Variants in CHRNA7 observed in about 807,000 individuals in gnomAD.
CHRNA7 encodes the protein cholinergic receptor nicotinic alpha 7 subunit.
A neutral mutation model predicts 48.0 loss-of-function variants in CHRNA7; 17 were observed. That is an observed-to-expected ratio of 0.35 (90% CI 0.24 to 0.53). CHRNA7 has a LOEUF of 0.53. Among genes scored for constraint, CHRNA7 ranks in the 20% least tolerant of loss-of-function variants. The probability of loss-of-function intolerance (pLI) is 0.92; values close to 1 mark genes in which losing one functional copy is unlikely to be tolerated. For synonymous variants in CHRNA7, 75 were observed against 242.3 expected (o/e 0.31, Z 6.41); for missense variants, 155 against 577.7 (o/e 0.27, Z 7.50).
At position 32,074,094 on chromosome 15, in the gene CHRNA7, T is replaced by G. The variant is rs1424539138; in HGVS notation, c.196-27209T>G. The stretch of plus-strand genomic sequence containing the variant: ...GTTAAAAATTGTAAATGTTAATGTA[T>G]ATTTAATTTTGATGTCCATATGCTC... On this transcript the variant is annotated intron_variant, in intron 2 of 9. Transcript: ENST00000306901. Among the ~76,000 whole-genome samples the G allele has an allele frequency of 2.6e-5, 4 of 151,808 alleles. No homozygotes were observed. In the South Asian group the frequency reaches 6.3e-4, roughly 24 times the overall value.
At chr15:32,064,064 A>C (rs2049923122) in intron 2 of CHRNA7, among the ~76,000 whole-genome samples, 1 of 152,152 alleles carries the variant, frequency 6.6e-6, no homozygotes, top group Non-Finnish European at 1.5e-5. Flanking sequence ...ACTTTTTCTT[A>C]GAATTTTGTT....
intron 4 of CHRNA7, among the ~76,000 whole-genome samples, chr15:32,147,227 A>G (rs1363336307): frequency 6.6e-6 from 1 of 152,210 alleles, no homozygotes; most frequent in Non-Finnish European, 1.5e-5. Context: ...GATGGCAACA[A>G]CAGACACTGG....
chr15:32,074,011 A>T (rs2050097660), intron 2 of CHRNA7, among the ~76,000 whole-genome samples: 2 of 149,764 alleles, frequency 1.3e-5, no homozygotes, highest in Admixed American at 1.3e-4. Context: ...CCCTTCCTTC[A>T]TTGTCCTCCT....
chr15:32,127,853 G>T (rs2051094968), intron 4 of CHRNA7, among the ~76,000 whole-genome samples: 2 of 151,968 alleles, frequency 1.3e-5, no homozygotes, highest in South Asian at 4.1e-4. Flanking sequence ...TACTTTGATG[G>T]ATTGTGTTTT....
chr15:32,136,759 C>T (rs377586543), intron 4 of CHRNA7, among the ~76,000 whole-genome samples: 1,952 of 151,914 alleles, frequency 0.013, 48 homozygotes, highest in African/African-American at 0.045. Flanking sequence ...AAGGCCGGCG[C>T]GGTGGCTGAC....
At chr15:32,093,525 G>A (rs957608123) in intron 2 of CHRNA7, among the ~76,000 whole-genome samples, 1 of 152,186 alleles carries the variant, frequency 6.6e-6, no homozygotes, top group African/African-American at 2.4e-5. Flanking sequence ...CACACAGGCA[G>A]CTGAACACCT....
intron 4 of CHRNA7, among the ~76,000 whole-genome samples, chr15:32,153,009 G>A (rs922231208): frequency 3.3e-5 from 5 of 151,870 alleles, no homozygotes; most frequent in African/African-American, 4.8e-5. Context: ...TCTAAAACTC[G>A]CACTTACTTC....
chr15:32,050,809 C>T (rs1043023632), intron 2 of CHRNA7, among the ~76,000 whole-genome samples: 14 of 152,190 alleles, frequency 9.2e-5, no homozygotes, highest in African/African-American at 2.6e-4. Context: ...GATGGTGATG[C>T]ACAGATGGGT....
intron 4 of CHRNA7, among the ~76,000 whole-genome samples, chr15:32,134,407 C>T (rs2051210559): frequency 6.6e-6 from 1 of 152,210 alleles, no homozygotes; most frequent in African/African-American, 2.4e-5. Flanking sequence ...GATCCGCCCT[C>T]CTCGGCCTCC....
intron 3 of CHRNA7, among the ~76,000 whole-genome samples, chr15:32,106,333 C>T (rs923498586): frequency 1.3e-5 from 2 of 152,124 alleles, no homozygotes; most frequent in African/African-American, 4.8e-5. Context: ...TATTTAAACT[C>T]TGCAAATGAT....
intron 4 of CHRNA7, among the ~76,000 whole-genome samples, chr15:32,117,538 C>G (rs1378415861): frequency 1.3e-5 from 2 of 152,160 alleles, no homozygotes; most frequent in African/African-American, 4.8e-5. Context: ...TGGTAGGGAG[C>G]ATAGCAACAA....
chr15:32,041,127 TG>T (rs1347567389), intron 2 of CHRNA7, among the ~76,000 whole-genome samples: 1 of 152,186 alleles, frequency 6.6e-6, no homozygotes, highest in African/African-American at 2.4e-5. Flanking sequence ...TATACTTAGA[TG>T]TTGGATTTTT....
Position 32,120,592 on chromosome 15 carries a change from T to C in CHRNA7, c.350+8693T>C, listed in dbSNP as rs375744679. ...AGAGCGTGGAATGACAGAACCCAAC[T>C]GCTGTCTGTGCAAGAGTTTGAGCAG... is the stretch of plus-strand genomic sequence containing the variant. On this transcript the variant is annotated intron_variant, in intron 4 of 9. Transcript: ENST00000306901. Among the ~76,000 whole-genome samples, 15 of 152,064 alleles carry C rather than the reference T, an allele frequency of 9.9e-5. No individual in the cohort carries two copies. In the East Asian group the frequency reaches 2.5e-3, roughly 26 times the overall value.
chr15:32,130,759 A>C (rs527780142), intron 4 of CHRNA7, among the ~76,000 whole-genome samples: 1 of 152,102 alleles, frequency 6.6e-6, no homozygotes, highest in African/African-American at 2.4e-5. Context: ...TTACTGGTTC[A>C]AGTAAAGTAG....
At chr15:32,112,758 C>T (rs41408148) in intron 4 of CHRNA7, among the ~76,000 whole-genome samples, 4,680 of 152,268 alleles carry the variant, frequency 0.031, 193 homozygotes, top group African/African-American at 0.097. Context: ...TCGGTGATCC[C>T]GCTGGACAAG....
At chr15:32,030,836 G>A in intron 1 of CHRNA7, 62 bp from the exon 2 acceptor site, 2 of 1,573,230 alleles carry the variant, frequency 1.3e-6, no homozygotes, top group Non-Finnish European at 8.6e-7. Flanking sequence ...CCGGCAGGAG[G>A]GAGTCGGGGG....
chr15:32,059,004 AT>A (rs144867243), intron 2 of CHRNA7, among the ~76,000 whole-genome samples: 65,191 of 148,960 alleles, frequency 0.44, 16,194 homozygotes, highest in South Asian at 0.64. Flanking sequence ...TCTTCTTTGT[AT>A]TTTTTTTTTT....
intron 4 of CHRNA7, among the ~76,000 whole-genome samples, chr15:32,148,433 T>C (rs894188093): frequency 2.6e-5 from 4 of 152,292 alleles, no homozygotes; most frequent in African/African-American, 9.6e-5. Flanking sequence ...TGCTCAGCCG[T>C]AGAGGTCAAT....
chr15:32,053,111 C>G (rs1432405995), intron 2 of CHRNA7, among the ~76,000 whole-genome samples: 1 of 152,148 alleles, frequency 6.6e-6, no homozygotes, highest in Non-Finnish European at 1.5e-5. Context: ...AGACAGAGCC[C>G]TGAAGAGGGC....
Sources: gnomAD v4.1 joint callset for allele counts (sites outside exome capture counted in the v4.1 genomes callset) on GRCh38, gnomAD v4.1.1 for gene constraint, MANE v1.5 for transcripts, NCBI Gene and HGNC (gene_info 2026-07-23, HGNC 2026-07-21) for gene names.